ADAMTSL3: variants seen among roughly 807,000 people sequenced by gnomAD.
ADAMTSL3 encodes ADAMTS like 3.
In ADAMTSL3, 128 loss-of-function variants were observed where a neutral mutation model predicts 201.7. The observed-to-expected ratio is 0.63, with a 90% CI of 0.55 to 0.73. ADAMTSL3 has a LOEUF of 0.73. ADAMTSL3 is among the 30% of genes least tolerant of loss of function. The pLI, the probability that ADAMTSL3 is intolerant of heterozygous loss-of-function variation, is 0.00. For synonymous variants in ADAMTSL3, 738 were observed against 748.4 expected (o/e 0.99, Z 0.23); for missense variants, 1,990 against 2,119.6 (o/e 0.94, Z 1.20).
intron 3 of ADAMTSL3, among the ~76,000 whole-genome samples, chr15:83,707,117 TCAGACTG>T (rs1308521624): frequency 6.6e-6 from 1 of 151,994 alleles, no homozygotes; most frequent in Non-Finnish European, 1.5e-5. Context: ...GTCTCTGGAG[TCAGACTG>T]CTTTGGGTTT....
chr15:83,787,540 A>G lies in ADAMTSL3; in HGVS notation c.317+13890A>G, dbSNP rs114697416. Among the ~76,000 whole-genome samples the G allele has an allele frequency of 8.8e-3, 1,334 of 152,274 alleles. 19 individuals are homozygous for G. The highest frequency in any genetic ancestry group is 0.03 in the African/African-American group (1,254 of 41,550). On this transcript the variant is annotated intron_variant, in intron 4 of 29. Transcript: ENST00000286744. ...AAAACATCATTTTTTTCAACAATGT[A>G]CATGTATATAGTTTAAAGAGCCAAA...
chr15:83,822,940 C>T (rs1255001451), intron 6 of ADAMTSL3, among the ~76,000 whole-genome samples: 2 of 152,074 alleles, frequency 1.3e-5, no homozygotes. Context: ...CGTCTGCAAT[C>T]CCGGCACCTC....
At chr15:84,016,542 T>G (rs766428446) in intron 25 of ADAMTSL3, 43 bp downstream of exon 25, 8 of 1,478,386 alleles carry the variant, frequency 5.4e-6, no homozygotes, top group Admixed American at 1.8e-5. Flanking sequence ...GTGTGAGGCA[T>G]GTGTAAGGAA....
intron 15 of ADAMTSL3, among the ~76,000 whole-genome samples, chr15:83,900,484 T>C (rs1420294334): frequency 6.6e-6 from 1 of 152,224 alleles, no homozygotes; most frequent in Non-Finnish European, 1.5e-5. Flanking sequence ...AGAACAACAG[T>C]ACCAATGATA....
intron 19 of ADAMTSL3, 140 bp downstream of exon 19, chr15:83,943,222 A>G (rs1480543304): frequency 2.4e-5 from 23 of 966,070 alleles, no homozygotes; most frequent in African/African-American, 3.3e-5. Context: ...GGAGGTGCTC[A>G]CTCACTCTCG....
At chr15:83,677,027 A>C (rs939623690) in intron 2 of ADAMTSL3, among the ~76,000 whole-genome samples, 2 of 152,152 alleles carry the variant, frequency 1.3e-5, no homozygotes, top group Non-Finnish European at 2.9e-5. Flanking sequence ...TTTCTCTTTG[A>C]CTCATGGATT....
chr15:83,940,230 G>T (rs556478268), intron 17 of ADAMTSL3, among the ~76,000 whole-genome samples: 1 of 152,172 alleles, frequency 6.6e-6, no homozygotes, highest in African/African-American at 2.4e-5. Flanking sequence ...AGATTACAGC[G>T]TACTTTCTAA....
At position 83,990,761 on chromosome 15, in the gene ADAMTSL3, C is replaced by CT. The variant is rs563684745; in HGVS notation, c.3845-316dup. ...TTGCTTCTTATGAGCTTCTGAATTC[C>CT]TTTTTTTTTCAAATTATCAAAGAGG... On this transcript the variant is annotated intron_variant, in intron 22 of 29. Transcript: ENST00000286744. Among the ~76,000 whole-genome samples the CT allele has an allele frequency of 5.1e-3, 777 of 150,960 alleles. 8 individuals are homozygous for CT. Among genetic ancestry groups the CT allele is most frequent in the Non-Finnish European group, 6.0e-3 (408 of 67,668 alleles).
intron 28 of ADAMTSL3, among the ~76,000 whole-genome samples, chr15:84,031,653 A>G (rs1478521783): frequency 6.6e-6 from 1 of 152,206 alleles, no homozygotes; most frequent in African/African-American, 2.4e-5. Flanking sequence ...ATGTTAAACA[A>G]TAAAGGGACA....
At chr15:83,693,700 A>G (rs1230937233) in intron 2 of ADAMTSL3, among the ~76,000 whole-genome samples, 2 of 152,212 alleles carry the variant, frequency 1.3e-5, no homozygotes, top group Non-Finnish European at 2.9e-5. Context: ...CCCATATGAC[A>G]TAGTATACAA....
intron 3 of ADAMTSL3, among the ~76,000 whole-genome samples, chr15:83,735,121 G>T (rs1327421296): frequency 1.3e-5 from 2 of 152,260 alleles, no homozygotes; most frequent in East Asian, 3.9e-4. Context: ...AAACAAAGCA[G>T]TCTATCAGAA....
At chr15:84,000,661 T>A (rs745483550) in intron 23 of ADAMTSL3, among the ~76,000 whole-genome samples, 8 of 152,212 alleles carry the variant, frequency 5.3e-5, no homozygotes, top group Non-Finnish European at 1.0e-4. Flanking sequence ...AAGGAGAGAC[T>A]AATTAAGGCT....
At chr15:83,869,078 G>A (rs1041413093) in intron 8 of ADAMTSL3, among the ~76,000 whole-genome samples, 3 of 152,144 alleles carry the variant, frequency 2.0e-5, no homozygotes, top group African/African-American at 7.2e-5. Flanking sequence ...TCCATTGCAC[G>A]CTACTTGAAT....
chr15:84,027,761 A>G (rs2068337338), intron 27 of ADAMTSL3, among the ~76,000 whole-genome samples: 1 of 152,140 alleles, frequency 6.6e-6, no homozygotes, highest in East Asian at 1.9e-4. Context: ...AAACTTGTAC[A>G]TGAATATTTG....
At chr15:83,884,993 G>T in intron 9 of ADAMTSL3, 108 bp from the exon 10 acceptor site, 1 of 672,194 alleles carries the variant, frequency 1.5e-6, no homozygotes, top group Non-Finnish European at 2.6e-6. Context: ...TTTTTCTAAT[G>T]GATGGGTGGT....
chr15:83,975,806 T>C (rs2067276573), intron 20 of ADAMTSL3, among the ~76,000 whole-genome samples: 1 of 152,076 alleles, frequency 6.6e-6, no homozygotes, highest in African/African-American at 2.4e-5. Flanking sequence ...AGAACATAGG[T>C]TCAAGAGAGA....
At chr15:83,986,787 G>T (rs950214238) in intron 21 of ADAMTSL3, among the ~76,000 whole-genome samples, 2 of 152,216 alleles carry the variant, frequency 1.3e-5, no homozygotes, top group African/African-American at 4.8e-5. Context: ...CAACTAGGAA[G>T]AGAAGTTTGT....
In ADAMTSL3 at chr15:83,822,214, C is replaced by T. The variant is rs769856461; in HGVS notation, c.600+2167C>T. 6.3e-3 allele frequency among the ~76,000 whole-genome samples: 935 copies of T among 149,060 alleles called. 5 individuals carry two copies. Among genetic ancestry groups the T allele is most frequent in the Non-Finnish European group, 0.01 (682 of 66,868 alleles). On this transcript the variant is annotated intron_variant, in intron 6 of 29. Transcript: ENST00000286744. ...CCTCCCGGACGGGGTGGCTGCCGGG[C>T]GGAGACGCTCCTCACTTCCCAGACG...
At chr15:84,032,038 C>T (rs766116507) in intron 28 of ADAMTSL3, among the ~76,000 whole-genome samples, 3 of 152,088 alleles carry the variant, frequency 2.0e-5, no homozygotes, top group Non-Finnish European at 4.4e-5. Flanking sequence ...GAGAACAGCA[C>T]CCCAGCCAGC....
Sources: allele counts gnomAD v4.1 joint callset (sites outside exome capture counted in the v4.1 genomes callset), GRCh38; gene constraint gnomAD v4.1.1; transcripts MANE v1.5; gene names NCBI Gene and HGNC (gene_info 2026-07-23, HGNC 2026-07-21).